The following C4orf51 variants were observed in gnomAD, a reference collection of about 807,000 sequenced individuals.
The protein encoded by C4orf51 is chromosome 4 open reading frame 51.
In C4orf51, 25 loss-of-function variants were observed where a neutral mutation model predicts 25.2. The ratio of observed to expected loss-of-function variants is 0.99; its 90% confidence interval spans 0.72 to 1.39. The LOEUF (loss-of-function observed/expected upper bound fraction) is 1.39. Ranked by LOEUF, C4orf51 falls within the 40% of genes most tolerant of loss-of-function variation. C4orf51 has a pLI of 0.00. For synonymous variants in C4orf51, 100 were observed against 84.5 expected (o/e 1.18, Z -1.01); for missense variants, 252 against 239.6 (o/e 1.05, Z -0.34).
chr4:145,691,721 G>A (rs1411755090), intron 1 of C4orf51, among the ~76,000 whole-genome samples: 2 of 152,190 alleles, frequency 1.3e-5, no homozygotes, highest in African/African-American at 2.4e-5. Context: ...ATAAGTGGGA[G>A]CTAAACAGTG....
Position 145,680,153 on chromosome 4 carries a change from C to A in C4orf51, c.-51C>A. 7.4e-7 allele frequency: 1 copy of A among 1,343,196 alleles called. No homozygotes were observed. Among genetic ancestry groups the A allele is most frequent in the Non-Finnish European group, 1.1e-6 (1 of 935,590 alleles). The allele number at this position is 1,343,196 out of a possible 1,614,324, so 83.2% of individuals were successfully genotyped here. ...TGCTACTAGAAGGAAATTAATTCTT[C>A]ATTATGCAGAGGACTTGACAAGTTG... is the stretch of plus-strand genomic sequence containing the variant. On this transcript the variant is annotated 5_prime_UTR_variant, in exon 1 of 6. Coordinates refer to ENST00000438731, the MANE Select transcript of C4orf51 (RefSeq NM_001080531.3).
At chr4:145,693,589 T>G (rs554215274) in intron 1 of C4orf51, among the ~76,000 whole-genome samples, 1 of 148,844 alleles carries the variant, frequency 6.7e-6, no homozygotes, top group East Asian at 2.0e-4. Flanking sequence ...GAGGGGCTCC[T>G]CACTTCCCAG....
chr4:145,696,807 C>A (rs965913530), intron 2 of C4orf51, among the ~76,000 whole-genome samples, 175 bp downstream of exon 2: 6 of 152,014 alleles, frequency 3.9e-5, no homozygotes, highest in Non-Finnish European at 7.4e-5. Flanking sequence ...CCAAGGTGGG[C>A]GGATCACTTG....
At chr4:145,723,161 G>C (rs1731837595) in intron 2 of C4orf51, among the ~76,000 whole-genome samples, 1 of 152,002 alleles carries the variant, frequency 6.6e-6, no homozygotes, top group African/African-American at 2.4e-5. Flanking sequence ...ACTGGTTCCT[G>C]GTGTTAAAAA....
At chr4:145,692,702 G>A (rs78409554) in intron 1 of C4orf51, among the ~76,000 whole-genome samples, 2,380 of 152,256 alleles carry the variant, frequency 0.016, 57 homozygotes, top group African/African-American at 0.054. Flanking sequence ...GCCTCACAGA[G>A]TTACAGGTTC....
At chr4:145,710,280 C>T (rs1731059257) in intron 2 of C4orf51, among the ~76,000 whole-genome samples, 1 of 152,148 alleles carries the variant, frequency 6.6e-6, no homozygotes, top group Admixed American at 6.5e-5. Context: ...TGTTAAAAAG[C>T]TTTAGAGCAG....
At chr4:145,684,147 C>T (rs1728996683) in intron 1 of C4orf51, among the ~76,000 whole-genome samples, 1 of 152,078 alleles carries the variant, frequency 6.6e-6, no homozygotes, top group Non-Finnish European at 1.5e-5. Context: ...TTAAAAAATA[C>T]CTCACCAAAG....
At chr4:145,730,008 G>C in intron 5 of C4orf51, 43 bp downstream of exon 5, 1 of 1,565,386 alleles carries the variant, frequency 6.4e-7, no homozygotes, top group Non-Finnish European at 8.8e-7. Flanking sequence ...GATCTGTGGG[G>C]TAGTCAGGAA....
intron 2 of C4orf51, among the ~76,000 whole-genome samples, chr4:145,717,551 T>C (rs1305654988): frequency 1.3e-5 from 2 of 152,244 alleles, no homozygotes; most frequent in African/African-American, 4.8e-5. Flanking sequence ...AAGGATCAAA[T>C]TGTCAGTAGA....
At chr4:145,782,836 C>A in the C4orf51 span, among the ~76,000 whole-genome samples, 4 of 152,180 alleles carry the variant, frequency 2.6e-5, no homozygotes, top group Non-Finnish European at 5.9e-5. Context: ...TTTTAAGTGT[C>A]ATTGCTTTTG....
the C4orf51 span, among the ~76,000 whole-genome samples, chr4:145,783,946 A>G: frequency 6.6e-6 from 1 of 152,068 alleles, no homozygotes; most frequent in African/African-American, 2.4e-5. Context: ...GTTCTCGTGA[A>G]TGGTTTAGCA....
intron 2 of C4orf51, among the ~76,000 whole-genome samples, chr4:145,698,667 A>G (rs995620931): frequency 6.6e-6 from 1 of 152,178 alleles, no homozygotes; most frequent in Non-Finnish European, 1.5e-5. Flanking sequence ...TTTGTGAGGC[A>G]TGTCTGACCC....
chr4:145,750,416 T>A (rs1273235342), intron 1 of C4orf51, among the ~76,000 whole-genome samples: 2 of 148,702 alleles, frequency 1.3e-5, no homozygotes, highest in Non-Finnish European at 3.0e-5. Flanking sequence ...GTAAAAGTTT[T>A]TTTTTTTTTT....
chr4:145,765,498 C>A lies in C4orf51; in HGVS notation n.167-5490C>A. 6.4e-7 allele frequency: 1 copy of A among 1,554,368 alleles called. No individual in the cohort carries two copies. Among genetic ancestry groups the A allele is most frequent in the South Asian group, 1.3e-5 (1 of 79,928 alleles). ...GCAGGGCTTATTCTCAAGAATGGGT[C>A]ATCCTGGGTGCGGAGGGTTGAGCAG... On this transcript the variant is annotated intron_variant and non_coding_transcript_variant, in intron 1 of 1. Coordinates refer to the C4orf51 transcript ENST00000510096. This position sits in a 1 kb window ranked among gnomAD's most constrained non-coding sequence, Gnocchi z 4.7.
At chr4:145,755,065 CT>C (rs1262414002), downstream of C4orf51, among the ~76,000 whole-genome samples, 1 of 152,202 alleles carries the variant, frequency 6.6e-6, no homozygotes. Context: ...GCCATTTTTG[CT>C]GTAACTGCCT....
At chr4:145,776,152 T>C in the C4orf51 span, among the ~76,000 whole-genome samples, 4 of 152,104 alleles carry the variant, frequency 2.6e-5, no homozygotes, top group African/African-American at 9.7e-5. Context: ...TATTAGTACT[T>C]CTAAATATAA....
intron 2 of C4orf51, among the ~76,000 whole-genome samples, chr4:145,714,432 C>T (rs911178228): frequency 1.3e-5 from 2 of 152,190 alleles, no homozygotes; most frequent in African/African-American, 2.4e-5. Flanking sequence ...ACAATCCTCA[C>T]GTGTTCATTA....
chr4:145,718,570 A>G (rs190858138), intron 2 of C4orf51, among the ~76,000 whole-genome samples: 19 of 152,340 alleles, frequency 1.2e-4, no homozygotes, highest in Non-Finnish European at 1.5e-5. Flanking sequence ...ACTACCCCAT[A>G]AGTCACGTCT....
chr4:145,778,616 GA>G, the C4orf51 span, among the ~76,000 whole-genome samples: 2 of 151,562 alleles, frequency 1.3e-5, no homozygotes, highest in East Asian at 1.9e-4. Context: ...TATCTTGGGG[GA>G]AAAAAAAGAC....
Sources: gnomAD v4.1 joint callset for allele counts (sites outside exome capture counted in the v4.1 genomes callset) on GRCh38, gnomAD v4.1.1 for gene constraint, Gnocchi (gnomAD v3.1) non-coding constraint, MANE v1.5 for transcripts, NCBI Gene and HGNC (gene_info 2026-07-23, HGNC 2026-07-21) for gene names.